The following GNA12 variants were observed in gnomAD, a reference collection of about 807,000 sequenced individuals.
GNA12 encodes guanine nucleotide-binding protein subunit alpha-12.
Under a neutral mutation model 26.0 loss-of-function variants are expected in GNA12, and 9 were observed. That is an observed-to-expected ratio of 0.35 (90% CI 0.21 to 0.60). The LOEUF (loss-of-function observed/expected upper bound fraction) is 0.60. Among genes scored for constraint, GNA12 ranks in the 20% least tolerant of loss-of-function variants. The pLI is 0.78. For missense variants in GNA12, 405 were observed against 525.8 expected, an observed-to-expected ratio of 0.77 and a Z score of 2.25; for synonymous variants, 264 against 219.6, an observed-to-expected ratio of 1.20 and a Z score of -1.79.
chr7:2,752,799 A>C (rs571341057), intron 2 of GNA12, among the ~76,000 whole-genome samples: 7 of 152,342 alleles, frequency 4.6e-5, no homozygotes, highest in Admixed American at 1.3e-4. Flanking sequence ...AGAGAGGTAT[A>C]GGTGGACCTG....
At chr7:2,820,844 T>C (rs1331362930) in intron 1 of GNA12, among the ~76,000 whole-genome samples, 1 of 152,230 alleles carries the variant, frequency 6.6e-6, no homozygotes, top group Non-Finnish European at 1.5e-5. Flanking sequence ...ACTCAAGCCA[T>C]CCTCTTGCCT....
intron 2 of GNA12, among the ~76,000 whole-genome samples, chr7:2,779,825 T>A (rs1293025604): frequency 6.6e-6 from 1 of 151,914 alleles, no homozygotes; most frequent in Admixed American, 6.6e-5. Context: ...CTCAAACTCC[T>A]GGCCTCATGT....
chr7:2,768,085 C>T (rs1256072338), intron 2 of GNA12, among the ~76,000 whole-genome samples: 2 of 152,170 alleles, frequency 1.3e-5, no homozygotes, highest in African/African-American at 4.8e-5. Context: ...GAACTCCTGA[C>T]CTCAGGTTAT....
In GNA12 at chr7:2,741,430, A is replaced by G. The variant is rs56843447; in HGVS notation, c.526-7929T>C. ...CACCCAGTTTCCAGAGGCTTCCACCACAGAATCTCTAAAACCCAGCAAGTG... is the reference window on the plus strand; with the variant it reads ...CACCCAGTTTCCAGAGGCTTCCACCGCAGAATCTCTAAAACCCAGCAAGTG... On this transcript the variant is annotated intron_variant, in intron 2 of 3. Coordinates refer to ENST00000275364, the MANE Select transcript of GNA12 (RefSeq NM_007353.3). Among the ~76,000 whole-genome samples, 143 of 152,320 alleles carry G rather than the reference A, an allele frequency of 9.4e-4. 1 individual carries two copies. Among genetic ancestry groups the G allele is most frequent in the African/African-American group, 3.0e-3 (125 of 41,572 alleles).
At chr7:2,807,922 C>T (rs1792988215) in intron 1 of GNA12, among the ~76,000 whole-genome samples, 1 of 152,182 alleles carries the variant, frequency 6.6e-6, no homozygotes, top group Non-Finnish European at 1.5e-5. Context: ...CCTGTTCGCG[C>T]AGAAACCGCT....
At chr7:2,752,139 A>G (rs1439117071) in intron 2 of GNA12, among the ~76,000 whole-genome samples, 1 of 152,248 alleles carries the variant, frequency 6.6e-6, no homozygotes, top group Non-Finnish European at 1.5e-5. Flanking sequence ...AAAAATGTCA[A>G]TAGAAGACAG....
chr7:2,826,382 A>C lies in GNA12; in HGVS notation c.309+17471T>G, dbSNP rs1025855881. 5.9e-5 allele frequency among the ~76,000 whole-genome samples: 9 copies of C among 151,724 alleles called. No individual in the cohort carries two copies. The South Asian group carries it at 1.7e-3, about 28-fold the overall frequency. Reference sequence around the variant, plus strand: ...ACAGAGTGAGACTCCATCTCAAAAAAAAAAAAAAAAAAACCAACAAAAGCA... The same window carrying C: ...ACAGAGTGAGACTCCATCTCAAAAACAAAAAAAAAAAAACCAACAAAAGCA... On this transcript the variant is annotated intron_variant, in intron 1 of 3. Coordinates refer to ENST00000275364, the MANE Select transcript of GNA12 (RefSeq NM_007353.3).
chr7:2,834,199 G>A (rs1374783294), intron 1 of GNA12, among the ~76,000 whole-genome samples: 1 of 152,196 alleles, frequency 6.6e-6, no homozygotes, highest in East Asian at 1.9e-4. Context: ...GTATCTCTAT[G>A]TATTCGAATT....
intron 1 of GNA12, among the ~76,000 whole-genome samples, chr7:2,812,099 C>T (rs753818055): frequency 4.6e-5 from 7 of 152,226 alleles, no homozygotes; most frequent in Non-Finnish European, 1.0e-4. Flanking sequence ...AGAGAACTTG[C>T]GTTTCAGGCA....
At chr7:2,809,577 T>C (rs1488661651) in intron 1 of GNA12, among the ~76,000 whole-genome samples, 4 of 152,176 alleles carry the variant, frequency 2.6e-5, no homozygotes, top group Non-Finnish European at 5.9e-5. Flanking sequence ...CCTTTTCGTA[T>C]GTCAAAGACA....
intron 1 of GNA12, among the ~76,000 whole-genome samples, chr7:2,806,480 A>G (rs1056991697): frequency 6.7e-6 from 1 of 148,474 alleles, no homozygotes; most frequent in Non-Finnish European, 1.5e-5. Flanking sequence ...AAAAAAAAAG[A>G]AAAAGAAAAA....
intron 2 of GNA12, among the ~76,000 whole-genome samples, chr7:2,773,998 C>G (rs774292660): frequency 6.6e-6 from 1 of 152,132 alleles, no homozygotes. Context: ...CGAGAAGGAG[C>G]CAGTAACACA....
In GNA12 at chr7:2,812,635, T is replaced by TC. The variant is rs1358194395; in HGVS notation, c.310-17493_310-17492insG. 4.8e-4 allele frequency among the ~76,000 whole-genome samples: 71 copies of TC among 148,676 alleles called. 1 individual carries two copies. Among genetic ancestry groups the TC allele is most frequent in the Admixed American group, 8.0e-4 (12 of 14,956 alleles). ...CAAGAGTGAAACTCCATCTCAAAAA[T>TC]AACATCACATCACATCACATCACAT... On this transcript the variant is annotated intron_variant, in intron 1 of 3. Coordinates refer to ENST00000275364, the MANE Select transcript of GNA12 (RefSeq NM_007353.3).
chr7:2,824,970 T>C (rs1422753544), intron 1 of GNA12, among the ~76,000 whole-genome samples: 1 of 152,022 alleles, frequency 6.6e-6, no homozygotes, highest in Non-Finnish European at 1.5e-5. Context: ...CCCCTCTCCC[T>C]CAGGCCCCGT....
intron 2 of GNA12, among the ~76,000 whole-genome samples, chr7:2,743,542 A>AT (rs1790610701): frequency 1.3e-5 from 2 of 152,324 alleles, no homozygotes; most frequent in South Asian, 4.1e-4. Flanking sequence ...ACAAAATCTT[A>AT]TCAGAGGTCA....
At chr7:2,788,198 T>G (rs1012402639) in intron 2 of GNA12, among the ~76,000 whole-genome samples, 5 of 151,224 alleles carry the variant, frequency 3.3e-5, no homozygotes, top group African/African-American at 9.7e-5. Context: ...CAAGAATATG[T>G]GGAAGCTGCT....
At chr7:2,770,942 T>A (rs151149745) in intron 2 of GNA12, among the ~76,000 whole-genome samples, 6 of 152,220 alleles carry the variant, frequency 3.9e-5, no homozygotes, top group Non-Finnish European at 8.8e-5. Context: ...CAGGCTCTGA[T>A]GACTCCTTGC....
intron 1 of GNA12, chr7:2,814,764 AAC>A: frequency 1.0e-6 from 1 of 976,432 alleles, no homozygotes; most frequent in Non-Finnish European, 1.5e-6. Context: ...CAGCCTGTCC[AAC>A]ACACATCCTA....
At chr7:2,758,389 A>C (rs1166752134) in intron 2 of GNA12, among the ~76,000 whole-genome samples, 1 of 152,172 alleles carries the variant, frequency 6.6e-6, no homozygotes, top group African/African-American at 2.4e-5. Context: ...TGCACATGAA[A>C]GAGGGTGTAA....
Sources: gnomAD v4.1 joint callset for allele counts (sites outside exome capture counted in the v4.1 genomes callset) on GRCh38, gnomAD v4.1.1 for gene constraint, MANE v1.5 for transcripts, NCBI Gene and HGNC (gene_info 2026-07-23, HGNC 2026-07-21) for gene names.